FBXL14: variants seen among roughly 807,000 people sequenced by gnomAD.
FBXL14 encodes F-box/LRR-repeat protein 14.
In FBXL14, 11 loss-of-function variants were observed where a neutral mutation model predicts 24.5. That is an observed-to-expected ratio of 0.45 (90% confidence interval 0.28 to 0.74). The LOEUF (loss-of-function observed/expected upper bound fraction) is 0.74. Ranked by LOEUF, FBXL14 falls within the 30% of genes least tolerant of loss-of-function variation. FBXL14 has a pLI of 0.12. For synonymous variants in FBXL14, 294 were observed against 240.4 expected (o/e 1.22, Z -2.06); for missense variants, 384 against 545.6 (o/e 0.70, Z 2.95).
At chr12:1,582,256 AGAAAG>A (rs1176315874) in intron 1 of FBXL14, among the ~76,000 whole-genome samples, 1 of 152,182 alleles carries the variant, frequency 6.6e-6, no homozygotes, top group Non-Finnish European at 1.5e-5. Context: ...AGAAAAGAAA[AGAAAG>A]AGAAAGAAAA....
Position 1,566,660 on chromosome 12 carries a change from AG to A in FBXL14, c.*87del. ...GAGCAGTGACAGGCAGGGAAACCTG[AG>A]CTGTCATCACCAGAGTGCCGGAGGC... On this transcript the variant is annotated 3_prime_UTR_variant, in exon 2 of 2. Coordinates refer to ENST00000339235, the MANE Select transcript of FBXL14 (RefSeq NM_152441.3). 1.3e-6 allele frequency: 1 copy of A among 761,774 alleles called. No homozygotes were observed. The highest frequency in any genetic ancestry group is 2.5e-6 in the Non-Finnish European group (1 of 406,902). 47.2% of individuals were successfully genotyped at this position (761,774 alleles called of 1,614,324 possible). A position where few individuals can be genotyped will look rare whatever the true frequency, so the allele number is the denominator to read the frequency against.
chr12:1,578,793 G>A lies in FBXL14; in HGVS notation c.1195-11983C>T, dbSNP rs140767759. On this transcript the variant is annotated intron_variant, in intron 1 of 1. Transcript: ENST00000339235. Reference sequence around the variant, plus strand: ...TTCAGGAGGGGTGTCCATGAGGGGCGGCTTCGGAGCAGCTCTCCCTGTAAC... The same window carrying A: ...TTCAGGAGGGGTGTCCATGAGGGGCAGCTTCGGAGCAGCTCTCCCTGTAAC... 6.6e-3 allele frequency among the ~76,000 whole-genome samples: 1,008 copies of A among 152,200 alleles called. 10 individuals are homozygous for A. The highest frequency in any genetic ancestry group is 0.023 in the African/African-American group (956 of 41,548).
rs76235978 is a variant in FBXL14 at position 1,588,771 on chromosome 12, A to C, written c.1194+4102T>G. On this transcript the variant is annotated intron_variant, in intron 1 of 1. Transcript: ENST00000339235. ...TCAAGTTTCAGCAAATACCTGAACC[A>C]AGTTTTTTTCTGTTATTCTAAGAAC... 5.7e-3 allele frequency among the ~76,000 whole-genome samples: 875 copies of C among 152,252 alleles called. 7 individuals carry two copies. Among genetic ancestry groups the C allele is most frequent in the African/African-American group, 0.02 (825 of 41,532 alleles).
intron 1 of FBXL14, among the ~76,000 whole-genome samples, chr12:1,575,734 G>T (rs1335500052): frequency 6.6e-6 from 1 of 152,174 alleles, no homozygotes; most frequent in Non-Finnish European, 1.5e-5. Context: ...GCACCTGGTG[G>T]TTTCTCGGTA....
chr12:1,594,364 G>A lies in FBXL14; in HGVS notation c.-298C>T, dbSNP rs1490933835. ...AAGGCGCCTCGCTCTCGCTCCCGGA[G>A]GCCGGCCGCCGCCGCCGCCTCGGCT... On this transcript the variant is annotated 5_prime_UTR_variant, in exon 1 of 2. Coordinates refer to ENST00000339235, the MANE Select transcript of FBXL14 (RefSeq NM_152441.3). Among the ~76,000 whole-genome samples, 2 of 142,020 alleles carry A rather than the reference G, an allele frequency of 1.4e-5. No individual in the cohort carries two copies. The highest frequency in any genetic ancestry group is 3.1e-5 in the Non-Finnish European group (2 of 64,132). 93.2% of individuals were successfully genotyped at this position (142,020 alleles called of 152,430 possible).
At position 1,567,212 on chromosome 12, in the gene FBXL14, C is replaced by T. The variant is rs1469758040; in HGVS notation, c.1195-402G>A. Among the ~76,000 whole-genome samples, 1 of 152,094 alleles carries T rather than the reference C, an allele frequency of 6.6e-6. No individual in the cohort carries two copies. The highest frequency in any genetic ancestry group is 2.4e-5 in the African/African-American group (1 of 41,398). On this transcript the variant is annotated intron_variant, in intron 1 of 1. Transcript: ENST00000339235. The surrounding 1 kb of genome is among the most constrained non-coding windows in gnomAD (Gnocchi z 4.8). ...GCACGGTGGCTGACGCCTGTAATCC[C>T]AGCACTTTGGGAGGTCGAAGCGGGC...
At chr12:1,585,149 A>G (rs937184291) in intron 1 of FBXL14, among the ~76,000 whole-genome samples, 1 of 152,104 alleles carries the variant, frequency 6.6e-6, no homozygotes, top group Non-Finnish European at 1.5e-5. Flanking sequence ...CTGTCATCCC[A>G]GCACTTTGGG....
chr12:1,568,243 G>T (rs1396277585), intron 1 of FBXL14, among the ~76,000 whole-genome samples: 1 of 152,250 alleles, frequency 6.6e-6, no homozygotes, highest in Admixed American at 6.5e-5. Flanking sequence ...GGTGAGCAAG[G>T]AGAGAGTGGA....
At chr12:1,586,871 C>A (rs2154438232) in intron 1 of FBXL14, among the ~76,000 whole-genome samples, 1 of 152,310 alleles carries the variant, frequency 6.6e-6, no homozygotes, top group Admixed American at 6.5e-5. Flanking sequence ...AATTGAGACT[C>A]ATTTGTTTCC....
At chr12:1,566,892 C>A in intron 1 of FBXL14, 82 bp from the exon 2 acceptor site, 1 of 736,460 alleles carries the variant, frequency 1.4e-6, no homozygotes, top group Non-Finnish European at 2.5e-6. Flanking sequence ...CTCCCCTAAC[C>A]CCACCGCGGC....
intron 1 of FBXL14, among the ~76,000 whole-genome samples, chr12:1,578,367 G>A (rs992916162): frequency 1.3e-5 from 2 of 152,312 alleles, no homozygotes; most frequent in Admixed American, 6.5e-5. Flanking sequence ...TTGGCTGGGC[G>A]TGGTGGCTCA....
rs2094495933 is a variant in FBXL14, at chr12:1,593,844, T to A, written c.223A>T (p.Ile75Phe). The A allele has an allele frequency of 6.2e-7, 1 of 1,613,624 alleles. No individual in the cohort carries two copies. The highest frequency in any genetic ancestry group is 8.5e-7 in the Non-Finnish European group (1 of 1,179,958). The stretch of plus-strand genomic sequence containing the variant: ...CTGAGGCTGCGGCGGAGGCTCAGGA[T>A]CTGCACCCGGCGGATGCCCCGGGCC... ...LQARGIRRVQ[I>F]LSLRRSLSYV... Residue 75 changes from isoleucine to phenylalanine, a missense_variant, in exon 1 of 2, where the codon ATC becomes TTC. Physicochemically the swap from Ile to Phe is conservative, Grantham distance 21. Coordinates refer to ENST00000339235, the MANE Select transcript of FBXL14 (RefSeq NM_152441.3). This position sits in a 1 kb window ranked among gnomAD's most constrained non-coding sequence, Gnocchi z 7.4.
At chr12:1,591,884 A>G (rs1334828874) in intron 1 of FBXL14, among the ~76,000 whole-genome samples, 12 of 152,198 alleles carry the variant, frequency 7.9e-5, no homozygotes, top group Non-Finnish European at 1.8e-4. Context: ...CACAATCTGC[A>G]TCTCCAACAA....
chr12:1,568,972 C>G (rs2094440809), intron 1 of FBXL14, among the ~76,000 whole-genome samples: 1 of 152,140 alleles, frequency 6.6e-6, no homozygotes, highest in African/African-American at 2.4e-5. Flanking sequence ...TTTAGGCTGA[C>G]CAGCAAAAGG....
intron 1 of FBXL14, among the ~76,000 whole-genome samples, chr12:1,588,906 G>A (rs187756823): frequency 5.9e-4 from 90 of 151,722 alleles, no homozygotes; most frequent in African/African-American, 2.1e-3. Flanking sequence ...TGTAGGTATG[G>A]CGGGGATCAA....
At chr12:1,575,651 AGGAG>A (rs2094454447) in intron 1 of FBXL14, among the ~76,000 whole-genome samples, 1 of 152,058 alleles carries the variant, frequency 6.6e-6, no homozygotes, top group South Asian at 2.1e-4. Flanking sequence ...TCCTTGCCGC[AGGAG>A]GTTGCTGTTG....
chr12:1,593,814 C>G lies in FBXL14; in HGVS notation c.253G>C (p.Val85Leu). ...TCGATGTTGGCCATGCCCTGGATCA[C>G]GTAGCTGAGGCTGCGGCGGAGGCTC... ...ILSLRRSLSY[V>L]IQGMANIESL... is the part of the protein sequence containing the mutation. Residue 85 changes from valine (V) to leucine (L), a missense_variant, in exon 1 of 2, where the codon GTG (valine) becomes CTG (leucine). By Grantham distance (32) the Val-to-Leu change is conservative (BLOSUM62 1). Transcript: ENST00000339235. The surrounding 1 kb of genome is among the most constrained non-coding windows in gnomAD (Gnocchi z 7.4). 6.2e-7 allele frequency: 1 copy of G among 1,614,150 alleles called. No individual in the cohort carries two copies. Among genetic ancestry groups the G allele is most frequent in the Non-Finnish European group, 8.5e-7 (1 of 1,180,014 alleles).
chr12:1,585,242 C>G (rs1310240552), intron 1 of FBXL14, among the ~76,000 whole-genome samples: 1 of 152,050 alleles, frequency 6.6e-6, no homozygotes, highest in Non-Finnish European at 1.5e-5. Context: ...ACTAAAAATA[C>G]AAAAAATTAG....
At chr12:1,583,298 T>G (rs1323657322) in intron 1 of FBXL14, among the ~76,000 whole-genome samples, 1 of 152,056 alleles carries the variant, frequency 6.6e-6, no homozygotes, top group Admixed American at 6.6e-5. Flanking sequence ...TTTTTCCCAT[T>G]TTCTTCCTCC....
Sources: gnomAD v4.1 joint callset for allele counts (sites outside exome capture counted in the v4.1 genomes callset) on GRCh38, gnomAD v4.1.1 for gene constraint, Gnocchi (gnomAD v3.1) non-coding constraint, MANE v1.5 for transcripts, NCBI Gene and HGNC (gene_info 2026-07-23, HGNC 2026-07-21) for gene names.